SLC6A6: variants seen among roughly 807,000 people sequenced by gnomAD.
SLC6A6 encodes solute carrier family 6 member 6, also known as sodium- and chloride-dependent taurine transporter.
A neutral mutation model predicts 68.8 loss-of-function variants in SLC6A6; 16 were observed. The observed-to-expected ratio is 0.23, with a 90% CI of 0.16 to 0.35. The LOEUF is 0.35. SLC6A6 is among the 10% of genes least tolerant of loss of function. SLC6A6 has a pLI of 1.00. For missense variants in SLC6A6, 474 were observed against 802.8 expected (o/e 0.59, Z 4.95); for synonymous variants, 312 against 315.4 (o/e 0.99, Z 0.12).
At chr3:14,483,701 A>G (rs540098333) in intron 14 of SLC6A6, among the ~76,000 whole-genome samples, 3 of 152,212 alleles carry the variant, frequency 2.0e-5, no homozygotes, top group Admixed American at 2.0e-4. Flanking sequence ...TTTAAAAACA[A>G]AAAAAATAGA....
At chr3:14,443,445 G>A (rs533599303) in intron 2 of SLC6A6, among the ~76,000 whole-genome samples, 179 bp from the exon 3 acceptor site, 1 of 152,312 alleles carries the variant, frequency 6.6e-6, no homozygotes, top group South Asian at 2.1e-4. Flanking sequence ...GGTCCATGAA[G>A]GGGTCTGAAT....
chr3:14,447,221 TATCCATCCATCCATCC>T (rs3836358), intron 4 of SLC6A6, among the ~76,000 whole-genome samples: 311 of 149,472 alleles, frequency 2.1e-3, no homozygotes, highest in South Asian at 6.7e-3. Context: ...TCTATTCAGC[TATCCATCCATCCATCC>T]ATCCATCCAT....
chr3:14,468,225 C>G lies in SLC6A6; in HGVS notation c.1096+13C>G. 6.2e-7 allele frequency: 1 copy of G among 1,610,124 alleles called. No individual in the cohort carries two copies. The highest frequency in any genetic ancestry group is 8.5e-7 in the Non-Finnish European group (1 of 1,178,452). ...GTGGCTGAGTCAGGTACGGTGGTAT[C>G]GGTGGCAGTGGTGGTGGGCACTGCC... On this transcript the variant is annotated intron_variant, in intron 9 of 14. Transcript: ENST00000622186. The surrounding 1 kb of genome is among the most constrained non-coding windows in gnomAD (Gnocchi z 4.5).
chr3:14,422,369 GA>G (rs1310613151), intron 2 of SLC6A6, among the ~76,000 whole-genome samples: 1 of 152,058 alleles, frequency 6.6e-6, no homozygotes, highest in Admixed American at 6.5e-5. Context: ...ATTCGCCATG[GA>G]AAAAAGAGTG....
In SLC6A6 at chr3:14,481,510, G is replaced by A. The variant is rs139643110; in HGVS notation, c.1552-161G>A. 3.9e-4 allele frequency among the ~76,000 whole-genome samples: 59 copies of A among 152,014 alleles called. 1 individual carries two copies. The South Asian group carries it at 6.0e-3, about 16-fold the overall frequency. ...CGACTTACTGTGTTTTTACCGGGGC[G>A]GGGGGGATCCTTATGGCAGCAGAGA... On this transcript the variant is annotated intron_variant, in intron 13 of 14. Coordinates refer to ENST00000622186, the MANE Select transcript of SLC6A6 (RefSeq NM_003043.6). This position sits in a 1 kb window ranked among gnomAD's most constrained non-coding sequence, Gnocchi z 4.7.
rs1222131893 is a variant in SLC6A6 at position 14,472,285 on chromosome 3, A to T, written c.1177A>T (p.Ile393Phe). The T allele has an allele frequency of 6.2e-7, 1 of 1,611,330 alleles. No individual in the cohort carries two copies. Among genetic ancestry groups the T allele is most frequent in the Non-Finnish European group, 8.5e-7 (1 of 1,177,846 alleles). ...CACATTTTGGTCCATTCTTTTTTTT[A>T]TTATGCTTCTCTTGCTTGGACTGGA... ...LPTFWSILFF[I>F]MLLLLGLDSQ... Residue 393 changes from isoleucine (I) to phenylalanine (F), a missense_variant, in exon 10 of 15, where the codon ATT (isoleucine) becomes TTT (phenylalanine). Physicochemically the swap from Ile to Phe is conservative, Grantham distance 21. Coordinates refer to ENST00000622186, the MANE Select transcript of SLC6A6 (RefSeq NM_003043.6). This position sits in a 1 kb window ranked among gnomAD's most constrained non-coding sequence, Gnocchi z 4.5.
At chr3:14,435,807 A>G (rs1241302600) in intron 2 of SLC6A6, among the ~76,000 whole-genome samples, 1 of 152,234 alleles carries the variant, frequency 6.6e-6, no homozygotes, top group East Asian at 1.9e-4. Flanking sequence ...CCAGATTTCA[A>G]CATCTCTTGA....
rs1434043543 is a variant in SLC6A6 at position 14,472,587 on chromosome 3, G to C, written c.1209+270G>C. Among the ~76,000 whole-genome samples, 1 of 151,980 alleles carries C rather than the reference G, an allele frequency of 6.6e-6. No homozygotes were observed. The highest frequency in any genetic ancestry group is 2.4e-5 in the African/African-American group (1 of 41,460). On this transcript the variant is annotated intron_variant, in intron 10 of 14. Transcript: ENST00000622186. The surrounding 1 kb of genome is among the most constrained non-coding windows in gnomAD (Gnocchi z 4.5). ...TTATCTGCTAGCAGAGGGGCATCCA[G>C]AGGTTCTCGGAGTGGGTGGGTTATG...
intron 2 of SLC6A6, among the ~76,000 whole-genome samples, chr3:14,440,946 T>C (rs1345309007): frequency 1.3e-5 from 2 of 152,146 alleles, no homozygotes; most frequent in African/African-American, 4.8e-5. Flanking sequence ...ACCCCCATCC[T>C]GGCTCAGCCC....
chr3:14,448,110 A>G (rs749494064), intron 5 of SLC6A6: 87 of 1,098,280 alleles, frequency 7.9e-5, no homozygotes, highest in Non-Finnish European at 1.0e-4. Context: ...AGGTATGCAT[A>G]CTTATGTTGT....
intron 1 of SLC6A6, among the ~76,000 whole-genome samples, chr3:14,405,267 C>T (rs1188682873): frequency 6.6e-6 from 1 of 152,146 alleles, no homozygotes; most frequent in African/African-American, 2.4e-5. Context: ...TTCCCCTGAG[C>T]CCTGCTACCC....
intron 2 of SLC6A6, among the ~76,000 whole-genome samples, chr3:14,433,672 CAG>C (rs370700231): frequency 0.27 from 41,732 of 151,768 alleles, 5,799 homozygotes; most frequent in South Asian, 0.32. Context: ...GGCGTGGTGG[CAG>C]GCACCTGTAA....
chr3:14,449,153 A>G (rs1321842461), intron 5 of SLC6A6, among the ~76,000 whole-genome samples: 1 of 152,220 alleles, frequency 6.6e-6, no homozygotes, highest in East Asian at 1.9e-4. Flanking sequence ...CAGGGCTGGG[A>G]CATCGTTGGC....
At chr3:14,407,831 A>G (rs1699144820) in intron 1 of SLC6A6, among the ~76,000 whole-genome samples, 1 of 152,116 alleles carries the variant, frequency 6.6e-6, no homozygotes, top group Non-Finnish European at 1.5e-5. Flanking sequence ...GTCACCATAA[A>G]TTAGTTTTGC....
At chr3:14,408,019 T>C (rs1389046624) in intron 1 of SLC6A6, among the ~76,000 whole-genome samples, 1 of 152,144 alleles carries the variant, frequency 6.6e-6, no homozygotes, top group Non-Finnish European at 1.5e-5. Flanking sequence ...ATCCATGCTG[T>C]TGATGGACAT....
At chr3:14,444,176 C>T (rs2124944886) in intron 3 of SLC6A6, 1 of 319,848 alleles carries the variant, frequency 3.1e-6, no homozygotes, top group Non-Finnish European at 5.9e-6. Flanking sequence ...CTCCCAAGCC[C>T]CAGACATTCA....
At chr3:14,424,903 CGAAGCCGCCTGT>C (rs111698353) in intron 2 of SLC6A6, among the ~76,000 whole-genome samples, 10 of 152,220 alleles carry the variant, frequency 6.6e-5, no homozygotes, top group African/African-American at 2.4e-4. Flanking sequence ...GAAGCTCGGT[CGAAGCCGCCTGT>C]TTGACACACA....
At chr3:14,435,171 G>A (rs986052558) in intron 2 of SLC6A6, among the ~76,000 whole-genome samples, 13 of 152,190 alleles carry the variant, frequency 8.5e-5, no homozygotes, top group African/African-American at 2.7e-4. Context: ...GAGTTGGGAC[G>A]TGGGTGCAAA....
rs142394122 is a variant in SLC6A6, at chr3:14,420,170, C to T, written c.-12+3717C>T. On this transcript the variant is annotated intron_variant, in intron 2 of 14. Coordinates refer to ENST00000622186, the MANE Select transcript of SLC6A6 (RefSeq NM_003043.6). ...ATTTTTGAACAGGCACAGTGGCTCA[C>T]GCCTGTAATCCCAGCAGTTTGGGAG... Among the ~76,000 whole-genome samples the T allele has an allele frequency of 7.4e-3, 1,134 of 152,342 alleles. 10 individuals carry two copies. Among genetic ancestry groups the T allele is most frequent in the African/African-American group, 0.025 (1,045 of 41,566 alleles).
Sources: gnomAD v4.1 joint callset for allele counts (sites outside exome capture counted in the v4.1 genomes callset) on GRCh38, gnomAD v4.1.1 for gene constraint, Gnocchi (gnomAD v3.1) non-coding constraint, MANE v1.5 for transcripts, NCBI Gene and HGNC (gene_info 2026-07-23, HGNC 2026-07-21) for gene names.